Variants in DPF3 observed in about 807,000 individuals in gnomAD.
The protein encoded by DPF3 is zinc finger protein DPF3.
A neutral mutation model predicts 56.8 loss-of-function variants in DPF3; 18 were observed. That is an observed-to-expected ratio of 0.32 (90% CI 0.22 to 0.47). DPF3 has a LOEUF of 0.47. DPF3 is among the 20% of genes least tolerant of loss of function. The pLI is 1.00. For missense variants in DPF3, 403 were observed against 488.8 expected (o/e 0.82, Z 1.65); for synonymous variants, 188 against 180.2 (o/e 1.04, Z -0.35).
intron 1 of DPF3, among the ~76,000 whole-genome samples, chr14:72,812,371 C>A (rs1299483006): frequency 2.6e-5 from 4 of 152,288 alleles, no homozygotes. Flanking sequence ...AGCCTCCCAA[C>A]TGACTGCCAC....
intron 4 of DPF3, 59 bp from the exon 5 acceptor site, chr14:72,723,787 C>A: frequency 6.8e-7 from 1 of 1,472,400 alleles, no homozygotes; most frequent in Non-Finnish European, 9.2e-7. Flanking sequence ...GAAAAACCAT[C>A]AGAGAGTAAT....
intron 9 of DPF3, among the ~76,000 whole-genome samples, chr14:72,626,941 C>G (rs573850555): frequency 3.6e-5 from 5 of 138,378 alleles, no homozygotes; most frequent in Non-Finnish European, 6.1e-5. Context: ...TTTTTTTTTG[C>G]ATCTTTAAGG....
intron 3 of DPF3, among the ~76,000 whole-genome samples, chr14:72,751,176 C>A (rs1049324800): frequency 1.3e-5 from 2 of 151,986 alleles, no homozygotes; most frequent in Non-Finnish European, 2.9e-5. Context: ...GGCAACAGAG[C>A]GTGACCCTAC....
intron 9 of DPF3, among the ~76,000 whole-genome samples, chr14:72,625,910 A>G (rs1884796624): frequency 6.6e-6 from 1 of 152,212 alleles, no homozygotes; most frequent in East Asian, 1.9e-4. Context: ...CAAATCTAGC[A>G]TACGTAGTTT....
At chr14:72,893,919 G>T (rs945679784) in intron 1 of DPF3, 138 bp downstream of exon 1, 198 of 911,004 alleles carry the variant, frequency 2.2e-4, no homozygotes, top group Non-Finnish European at 3.0e-4. Context: ...AGAAGTAAGA[G>T]CTGAAAGAAG....
intron 1 of DPF3, among the ~76,000 whole-genome samples, chr14:72,826,867 C>T (rs920679305): frequency 6.6e-6 from 1 of 151,936 alleles, no homozygotes; most frequent in African/African-American, 2.4e-5. Flanking sequence ...ATGGTGAAAC[C>T]CCGTCTCTAT....
At chr14:72,863,216 A>T (rs1885525213) in intron 1 of DPF3, among the ~76,000 whole-genome samples, 1 of 150,476 alleles carries the variant, frequency 6.6e-6, no homozygotes, top group Non-Finnish European at 1.5e-5. Context: ...AATAAGCTCT[A>T]ATGAATTTCA....
At chr14:72,710,806 C>A (rs935334378) in intron 6 of DPF3, among the ~76,000 whole-genome samples, 2 of 152,234 alleles carry the variant, frequency 1.3e-5, no homozygotes, top group Admixed American at 1.3e-4. Context: ...AGAACTTTAA[C>A]CCTTAAGCTT....
chr14:72,735,197 A>G (rs11627799), intron 3 of DPF3, among the ~76,000 whole-genome samples: 46,789 of 152,036 alleles, frequency 0.31, 8,146 homozygotes, highest in Middle Eastern at 0.4. Flanking sequence ...GACTCACTCC[A>G]TAGTTTTCAT....
chr14:72,861,809 A>T (rs1197136033), intron 1 of DPF3, among the ~76,000 whole-genome samples: 1 of 151,828 alleles, frequency 6.6e-6, no homozygotes, highest in East Asian at 1.9e-4. Flanking sequence ...GAAAGAAGGA[A>T]AGAATTTGGA....
chr14:72,824,503 G>T (rs1236792184), intron 1 of DPF3, among the ~76,000 whole-genome samples: 3 of 151,468 alleles, frequency 2.0e-5, no homozygotes, highest in Admixed American at 6.6e-5. Flanking sequence ...TCTTTATGTC[G>T]CTTCAACAAG....
At chr14:72,638,333 G>T (rs868729891) in intron 8 of DPF3, among the ~76,000 whole-genome samples, 1 of 152,188 alleles carries the variant, frequency 6.6e-6, no homozygotes, top group Non-Finnish European at 1.5e-5. Flanking sequence ...GACATTTGCT[G>T]TGCATTCCAG....
chr14:72,656,791 G>A (rs1357885078), intron 8 of DPF3, among the ~76,000 whole-genome samples: 6 of 152,110 alleles, frequency 3.9e-5, no homozygotes, highest in East Asian at 3.9e-4. Context: ...AATAAACCCC[G>A]CTGAAAGTTA....
chr14:72,639,924 A>T (rs1311952009), intron 8 of DPF3, among the ~76,000 whole-genome samples: 1 of 151,966 alleles, frequency 6.6e-6, no homozygotes, highest in African/African-American at 2.4e-5. Flanking sequence ...CCATAATAGG[A>T]GAATGAATGA....
At chr14:72,619,616 G>T (rs1264243176) in intron 10 of DPF3, among the ~76,000 whole-genome samples, 1 of 152,140 alleles carries the variant, frequency 6.6e-6, no homozygotes, top group African/African-American at 2.4e-5. Context: ...CCGGGCCTGC[G>T]CCAGTTCTCC....
chr14:72,833,672 ACT>A (rs762458996), intron 1 of DPF3, among the ~76,000 whole-genome samples: 4 of 151,894 alleles, frequency 2.6e-5, no homozygotes, highest in Admixed American at 6.6e-5. Context: ...GACCCACTAA[ACT>A]CCTCCATCTC....
At chr14:72,800,633 G>C (rs1355065207) in intron 1 of DPF3, among the ~76,000 whole-genome samples, 2 of 152,076 alleles carry the variant, frequency 1.3e-5, no homozygotes, top group Non-Finnish European at 2.9e-5. Context: ...TGGATGCATG[G>C]ATGCACAGAT....
intron 1 of DPF3, among the ~76,000 whole-genome samples, chr14:72,776,160 T>A (rs1382720881): frequency 6.6e-6 from 1 of 152,110 alleles, no homozygotes; most frequent in Non-Finnish European, 1.5e-5. Context: ...ATCACCTGCA[T>A]GCACCAAACT....
At chr14:72,784,834 G>A (rs1460932921) in intron 1 of DPF3, among the ~76,000 whole-genome samples, 9 of 152,154 alleles carry the variant, frequency 5.9e-5, no homozygotes, top group Non-Finnish European at 7.3e-5. Flanking sequence ...GCAGGTGCCT[G>A]TAGTTCCAGC....
Sources: gnomAD v4.1 joint callset for allele counts (sites outside exome capture counted in the v4.1 genomes callset) on GRCh38, gnomAD v4.1.1 for gene constraint, MANE v1.5 for transcripts, NCBI Gene and HGNC (gene_info 2026-07-23, HGNC 2026-07-21) for gene names.